BCKDHA: variants seen among roughly 807,000 people sequenced by gnomAD.
BCKDHA encodes the protein branched chain keto acid dehydrogenase E1 subunit alpha.
Under a neutral mutation model 52.2 loss-of-function variants are expected in BCKDHA, and 43 were observed. The observed-to-expected ratio is 0.82, with a 90% CI of 0.64 to 1.06. The LOEUF (loss-of-function observed/expected upper bound fraction) is 1.06. Among genes scored for constraint, BCKDHA ranks in the 50% least tolerant of loss-of-function variants. BCKDHA has a pLI of 0.00. For synonymous variants in BCKDHA, 234 were observed against 247.9 expected (o/e 0.94, Z 0.53); for missense variants, 527 against 621.3 (o/e 0.85, Z 1.61).
intron 1 of BCKDHA, among the ~76,000 whole-genome samples, chr19:41,401,770 C>A (rs16975216): frequency 0.016 from 2,467 of 152,290 alleles, 59 homozygotes; most frequent in African/African-American, 0.056. Context: ...AATAGAGTCC[C>A]TACCCTGTTG....
rs398123514 is a variant in BCKDHA at position 41,422,753 on chromosome 19, C to T, written c.978C>T (p.Ile326=). 30 of 1,613,524 alleles carry T rather than the reference C, an allele frequency of 1.9e-5. No homozygotes were observed. The highest frequency in any genetic ancestry group is 8.9e-5 in the East Asian group (4 of 44,892). ...TGGCAGAGAACCAGCCCTTCCTCAT[C>T]GAGGCCATGACCTACAGGTGCCTGC... ...RAVAENQPFL[I]EAMTYRIGHH... Residue 326 remains isoleucine (I), a synonymous_variant, in exon 7 of 9, where the codon ATC becomes ATT. Coordinates refer to ENST00000269980, the MANE Select transcript of BCKDHA (RefSeq NM_000709.4).
chr19:41,423,233 A>C, intron 8 of BCKDHA, 64 bp downstream of exon 8: 2 of 1,543,244 alleles, frequency 1.3e-6, no homozygotes, highest in Non-Finnish European at 1.7e-6. Flanking sequence ...CTTGGGAAGG[A>C]TTTGTGGAAC....
chr19:41,410,615 T>A, intron 1 of BCKDHA, 22 bp from the exon 2 acceptor site: 1 of 1,613,812 alleles, frequency 6.2e-7, no homozygotes, highest in Non-Finnish European at 8.5e-7. Flanking sequence ...ATGCAGGTGG[T>A]CTCCTCTGCT....
At chr19:41,408,772 C>A (rs2039221218) in intron 1 of BCKDHA, among the ~76,000 whole-genome samples, 1 of 151,972 alleles carries the variant, frequency 6.6e-6, no homozygotes, top group African/African-American at 2.4e-5. Context: ...TGTATGTTAC[C>A]ATGCTTGAGT....
rs535136507 is a variant in BCKDHA at position 41,424,922 on chromosome 19, A to G, written c.*314A>G. ...CCTCTGGGCATGGGGTGGACATGGC[A>G]GGTCAGCCTGTGGAACTTGCGCAGG... On this transcript the variant is annotated 3_prime_UTR_variant, in exon 9 of 9. Coordinates refer to ENST00000269980, the MANE Select transcript of BCKDHA (RefSeq NM_000709.4). 1.6e-4 allele frequency: 50 copies of G among 310,280 alleles called. No individual in the cohort carries two copies. The highest frequency in any genetic ancestry group is 2.5e-4 in the Non-Finnish European group (41 of 165,784). 19.2% of individuals were successfully genotyped at this position (310,280 alleles called of 1,614,324 possible). A position where few individuals can be genotyped will look rare whatever the true frequency, so the allele number is the denominator to read the frequency against.
intron 1 of BCKDHA, among the ~76,000 whole-genome samples, chr19:41,409,506 T>A (rs2039228419): frequency 6.6e-6 from 1 of 152,104 alleles, no homozygotes; most frequent in African/African-American, 2.4e-5. Context: ...CAGTCTGGGC[T>A]CGCAGAGGGA....
chr19:41,413,589 G>A (rs1477875621), intron 3 of BCKDHA, among the ~76,000 whole-genome samples: 1 of 152,212 alleles, frequency 6.6e-6, no homozygotes, highest in African/African-American at 2.4e-5. Flanking sequence ...TGACCACATT[G>A]CTCCCTTGAG....
rs899242931 is a variant in BCKDHA, at chr19:41,424,962, A to G, written c.*354A>G. ...ACTTGCGCAGGTGCGAGTGGCCAGC[A>G]GAGGTCACGAATAAACTGCATCTCT... On this transcript the variant is annotated 3_prime_UTR_variant, in exon 9 of 9. Transcript: ENST00000269980. The G allele has an allele frequency of 4.2e-6, 1 of 239,106 alleles. No homozygotes were observed. Among genetic ancestry groups the G allele is most frequent in the South Asian group, 8.8e-5 (1 of 11,404 alleles). The allele number at this position is 239,106 out of a possible 1,614,324, so 14.8% of individuals were successfully genotyped here.
At chr19:41,402,513 G>A (rs1211662640) in intron 1 of BCKDHA, among the ~76,000 whole-genome samples, 1 of 152,154 alleles carries the variant, frequency 6.6e-6, no homozygotes, top group Non-Finnish European at 1.5e-5. Context: ...TCAGAGAGGT[G>A]AGGTCTGAAC....
At chr19:41,415,654 CT>C (rs761831768) in intron 4 of BCKDHA, among the ~76,000 whole-genome samples, 187 of 146,516 alleles carry the variant, frequency 1.3e-3, no homozygotes, top group Admixed American at 1.4e-3. Flanking sequence ...TTTTCTTCTC[CT>C]TTTTTTTTTT....
intron 8 of BCKDHA, 104 bp downstream of exon 8, chr19:41,423,273 A>G: frequency 6.6e-7 from 1 of 1,513,212 alleles, no homozygotes; most frequent in Non-Finnish European, 8.9e-7. Flanking sequence ...GGATAACCCC[A>G]GTGATGTCTC....
intron 5 of BCKDHA, 49 bp downstream of exon 5, chr19:41,419,345 C>T (rs1437596361): frequency 1.9e-6 from 3 of 1,571,110 alleles, no homozygotes; most frequent in Middle Eastern, 1.8e-4. Flanking sequence ...CAATGTCACA[C>T]CCCTGTCCAG....
chr19:41,420,471 C>T (rs950831228), intron 5 of BCKDHA, among the ~76,000 whole-genome samples: 1 of 151,992 alleles, frequency 6.6e-6, no homozygotes, highest in African/African-American at 2.4e-5. Flanking sequence ...TGGTGGTGCA[C>T]ACCTGTAATC....
chr19:41,412,380 C>CT lies in BCKDHA; in HGVS notation c.375+1389dup, dbSNP rs530972813. Among the ~76,000 whole-genome samples the CT allele has an allele frequency of 4.0e-3, 266 of 65,868 alleles. 21 individuals carry two copies. The highest frequency in any genetic ancestry group is 5.7e-3 in the Non-Finnish European group (187 of 32,586). The allele number at this position is 65,868 out of a possible 152,430, so 43.2% of individuals were successfully genotyped here. A position where few individuals can be genotyped will look rare whatever the true frequency, so the allele number is the denominator to read the frequency against. On this transcript the variant is annotated intron_variant, in intron 3 of 8. Coordinates refer to ENST00000269980, the MANE Select transcript of BCKDHA (RefSeq NM_000709.4). ...TCATTCCCTCTGTCTGTAGATATTT[C>CT]TTTTTTTTTTTTTTTTTTACTTTTG...
intron 1 of BCKDHA, among the ~76,000 whole-genome samples, chr19:41,407,028 A>ACTTTGTG (rs141848511): frequency 0.029 from 4,349 of 152,276 alleles, 186 homozygotes; most frequent in African/African-American, 0.098. Context: ...GCACATCGCC[A>ACTTTGTG]CAGTTTGATT....
chr19:41,409,641 G>C (rs2039230162), intron 1 of BCKDHA, among the ~76,000 whole-genome samples: 1 of 151,962 alleles, frequency 6.6e-6, no homozygotes, highest in Non-Finnish European at 1.5e-5. Flanking sequence ...AGATTGTTTT[G>C]AGCATTTGTT....
At position 41,410,647 on chromosome 19, in the gene BCKDHA, G is replaced by GGCA. The variant is rs756657259; in HGVS notation, c.130_132dup (p.Gln44dup). The GGCA allele has an allele frequency of 2.4e-5, 39 of 1,613,974 alleles. No individual in the cohort carries two copies. Among genetic ancestry groups the GGCA allele is most frequent in the Non-Finnish European group, 3.2e-5 (38 of 1,180,006 alleles). On this transcript the variant is annotated inframe_insertion, in exon 2 of 9. Coordinates refer to ENST00000269980, the MANE Select transcript of BCKDHA (RefSeq NM_000709.4). Reference sequence around the variant, plus strand: ...TGCTCTCTTCCCCAGCACCCCCCCAGGCAGCAGCAGCAGTTTTCATCTCTG... The same window carrying GGCA: ...TGCTCTCTTCCCCAGCACCCCCCCAGGCAGCAGCAGCAGCAGTTTTCATCTCTG...
intron 5 of BCKDHA, 31 bp downstream of exon 5, chr19:41,419,327 G>A (rs747171218): frequency 1.9e-6 from 3 of 1,596,030 alleles, no homozygotes; most frequent in South Asian, 2.2e-5. Flanking sequence ...CCTTGCACAT[G>A]TGCAGACCAA....
chr19:41,405,741 C>T (rs2039185284), intron 1 of BCKDHA, among the ~76,000 whole-genome samples: 2 of 152,072 alleles, frequency 1.3e-5, no homozygotes, highest in African/African-American at 4.8e-5. Context: ...GTTTAAGTCA[C>T]ATAATCAGGC....
Sources: allele counts gnomAD v4.1 joint callset (sites outside exome capture counted in the v4.1 genomes callset), GRCh38; gene constraint gnomAD v4.1.1; transcripts MANE v1.5; gene names NCBI Gene and HGNC (gene_info 2026-07-23, HGNC 2026-07-21).